Variants in CFAP299 observed in about 807,000 individuals in gnomAD.
CFAP299 encodes the protein cilia- and flagella-associated protein 299.
A neutral mutation model predicts 27.0 loss-of-function variants in CFAP299; 21 were observed. The ratio of observed to expected loss-of-function variants is 0.78; its 90% CI spans 0.55 to 1.12. The LOEUF (loss-of-function observed/expected upper bound fraction) is 1.12, where lower values mean the gene tolerates loss of function less well. CFAP299 is among the 50% of genes most tolerant of loss of function. The pLI is 0.00. For synonymous variants in CFAP299, 104 were observed against 98.1 expected (o/e 1.06, Z -0.36); for missense variants, 310 against 276.6 (o/e 1.12, Z -0.86).
intron 4 of CFAP299, among the ~76,000 whole-genome samples, chr4:80,899,691 T>C (rs1734788377): frequency 6.6e-6 from 1 of 152,130 alleles, no homozygotes; most frequent in African/African-American, 2.4e-5. Flanking sequence ...CAGCCACAGA[T>C]TGTACAGAAA....
At chr4:80,601,839 C>G (rs1376219131) in intron 3 of CFAP299, among the ~76,000 whole-genome samples, 3 of 152,092 alleles carry the variant, frequency 2.0e-5, no homozygotes, top group Admixed American at 1.3e-4. Context: ...AAATGTCAGT[C>G]AATGATAGAC....
At chr4:80,428,688 C>T (rs950745578) in intron 2 of CFAP299, among the ~76,000 whole-genome samples, 6 of 102,406 alleles carry the variant, frequency 5.9e-5, no homozygotes, top group Non-Finnish European at 9.9e-5. Flanking sequence ...CACCATGCCT[C>T]GCTAATTTTT....
At chr4:80,929,791 C>A (rs1166889583) in intron 4 of CFAP299, among the ~76,000 whole-genome samples, 1 of 152,146 alleles carries the variant, frequency 6.6e-6, no homozygotes, top group East Asian at 1.9e-4. Context: ...TTATTACCTG[C>A]AGAATAAAGT....
chr4:80,438,845 C>T (rs1246435979), intron 2 of CFAP299, among the ~76,000 whole-genome samples: 1 of 152,140 alleles, frequency 6.6e-6, no homozygotes, highest in Non-Finnish European at 1.5e-5. Context: ...TTTGTCTACT[C>T]ATTTCCTTAA....
intron 2 of CFAP299, among the ~76,000 whole-genome samples, chr4:80,534,959 T>G (rs1733653365): frequency 6.6e-6 from 1 of 152,184 alleles, no homozygotes; most frequent in African/African-American, 2.4e-5. Flanking sequence ...ATCTTCAAGC[T>G]TCTAAATTCT....
At chr4:80,547,851 A>G (rs1734317480) in intron 2 of CFAP299, among the ~76,000 whole-genome samples, 1 of 152,102 alleles carries the variant, frequency 6.6e-6, no homozygotes, top group African/African-American at 2.4e-5. Flanking sequence ...CAGTCAGAAT[A>G]CCTATTGTTA....
chr4:80,524,316 G>A (rs966886660), intron 2 of CFAP299, among the ~76,000 whole-genome samples: 2 of 151,908 alleles, frequency 1.3e-5, no homozygotes, highest in African/African-American at 4.8e-5. Flanking sequence ...TACAAATTAA[G>A]GGGTTTATGT....
intron 4 of CFAP299, among the ~76,000 whole-genome samples, chr4:80,942,355 G>A (rs376189420): frequency 5.1e-4 from 78 of 152,194 alleles, no homozygotes; most frequent in Admixed American, 3.5e-3. Flanking sequence ...TTTCCTGTCA[G>A]TTCTACATGA....
intron 2 of CFAP299, among the ~76,000 whole-genome samples, chr4:80,378,780 T>C (rs1724549868): frequency 6.6e-6 from 1 of 152,152 alleles, no homozygotes; most frequent in African/African-American, 2.4e-5. Context: ...AGTTTGCTCA[T>C]TGTGTATATA....
intron 4 of CFAP299, among the ~76,000 whole-genome samples, chr4:80,888,651 A>G (rs186485475): frequency 9.7e-4 from 147 of 152,196 alleles, no homozygotes; most frequent in Admixed American, 4.6e-3. Flanking sequence ...TATTTCATTC[A>G]ATGGCTGAAG....
intron 2 of CFAP299, 30 bp downstream of exon 2, chr4:80,362,914 T>G (rs755578096): frequency 6.3e-7 from 1 of 1,591,228 alleles, no homozygotes; most frequent in Admixed American, 1.9e-5. Context: ...ATCCAGATTT[T>G]ATGTTATATT....
At chr4:80,681,126 G>A (rs571404250) in intron 3 of CFAP299, among the ~76,000 whole-genome samples, 1 of 152,248 alleles carries the variant, frequency 6.6e-6, no homozygotes, top group African/African-American at 2.4e-5. Flanking sequence ...TATAAGAAGT[G>A]TAATATTTGT....
intron 3 of CFAP299, among the ~76,000 whole-genome samples, chr4:80,866,059 T>TTTTATATA (rs886156357): frequency 1.7e-3 from 97 of 58,378 alleles, no homozygotes; most frequent in African/African-American, 3.5e-3. Flanking sequence ...ACTTAAAGTA[T>TTTTATATA]TATATATATA....
chr4:80,345,175 A>G (rs1439531255), intron 1 of CFAP299, among the ~76,000 whole-genome samples: 1 of 152,154 alleles, frequency 6.6e-6, no homozygotes. Flanking sequence ...AAGGGTTTTC[A>G]AATAGTGAGA....
intron 2 of CFAP299, chr4:80,387,870 T>C: frequency 8.5e-7 from 1 of 1,182,290 alleles, no homozygotes. Flanking sequence ...TCTTCAGCAT[T>C]GGTGGAGAGT....
chr4:80,520,800 G>T (rs1732868949), intron 2 of CFAP299, among the ~76,000 whole-genome samples: 1 of 152,136 alleles, frequency 6.6e-6, no homozygotes, highest in Non-Finnish European at 1.5e-5. Context: ...CTTTCTGGTG[G>T]CCTTTTAAAA....
chr4:80,760,158 T>C (rs1725470203), intron 3 of CFAP299, among the ~76,000 whole-genome samples: 1 of 152,164 alleles, frequency 6.6e-6, no homozygotes, highest in African/African-American at 2.4e-5. Flanking sequence ...ATTTTGAATA[T>C]TTGCATTTTT....
At chr4:80,403,331 T>G (rs551309771) in intron 2 of CFAP299, among the ~76,000 whole-genome samples, 51 of 152,322 alleles carry the variant, frequency 3.3e-4, no homozygotes, top group Non-Finnish European at 6.8e-4. Context: ...GATAAGCAAA[T>G]AATCTTCAAG....
chr4:80,622,898 T>G (rs1738680449), intron 3 of CFAP299, among the ~76,000 whole-genome samples: 1 of 152,150 alleles, frequency 6.6e-6, no homozygotes, highest in Non-Finnish European at 1.5e-5. Context: ...GCTCAATCAA[T>G]TTTCTCTCAA....
Sources: allele counts gnomAD v4.1 joint callset (sites outside exome capture counted in the v4.1 genomes callset), GRCh38; gene constraint gnomAD v4.1.1; transcripts MANE v1.5; gene names NCBI Gene and HGNC (gene_info 2026-07-23, HGNC 2026-07-21).